The following RABGEF1 variants were observed in gnomAD, a reference collection of about 807,000 sequenced individuals.
RABGEF1 encodes RAB guanine nucleotide exchange factor 1, also known as rab5 GDP/GTP exchange factor.
RABGEF1 carries 26 observed loss-of-function variants against 57.3 expected under a neutral mutation model. The observed-to-expected ratio is 0.45, with a 90% CI of 0.33 to 0.63. The LOEUF is 0.63. Ranked by LOEUF, RABGEF1 falls within the 20% of genes least tolerant of loss-of-function variation. The probability of loss-of-function intolerance (pLI) is 0.02; values close to 1 mark genes in which losing one functional copy is unlikely to be tolerated. For synonymous variants in RABGEF1, 185 were observed against 210.7 expected, an observed-to-expected ratio of 0.88 and a Z score of 1.06; for missense variants, 464 against 607.6, an observed-to-expected ratio of 0.76 and a Z score of 2.48.
At chr7:66,688,085 CAAAAAAAAAAA>C (rs60925853) in intron 1 of RABGEF1, among the ~76,000 whole-genome samples, 1 of 109,168 alleles carries the variant, frequency 9.2e-6, no homozygotes, top group Non-Finnish European at 1.8e-5. Context: ...AACTCTGTGT[CAAAAAAAAAAA>C]AAAAAAAAAA....
chr7:66,691,449 A>G (rs901065571), intron 1 of RABGEF1, among the ~76,000 whole-genome samples: 5 of 152,226 alleles, frequency 3.3e-5, no homozygotes, highest in Non-Finnish European at 5.9e-5. Context: ...AACAAAATAT[A>G]TGTAGAATCA....
At chr7:66,668,533 A>G in the RABGEF1 span, among the ~76,000 whole-genome samples, 1 of 152,180 alleles carries the variant, frequency 6.6e-6, no homozygotes, top group Non-Finnish European at 1.5e-5. Context: ...CAGGTTGGAG[A>G]AGACCCTCTG....
At chr7:66,674,069 T>A in the RABGEF1 span, among the ~76,000 whole-genome samples, 1 of 152,222 alleles carries the variant, frequency 6.6e-6, no homozygotes, top group South Asian at 2.1e-4. Context: ...AGAACTCTTC[T>A]GCATTGCTGT....
chr7:66,667,880 C>G, the RABGEF1 span, among the ~76,000 whole-genome samples: 1 of 152,182 alleles, frequency 6.6e-6, no homozygotes, highest in South Asian at 2.1e-4. Flanking sequence ...TCACTGCAAC[C>G]TCTACCTCCC....
At chr7:66,782,033 C>T (rs1272150124) in intron 3 of RABGEF1, among the ~76,000 whole-genome samples, 1 of 152,148 alleles carries the variant, frequency 6.6e-6, no homozygotes, top group African/African-American at 2.4e-5. Flanking sequence ...ACCTGAATGC[C>T]ATCAGAGTAT....
intron 3 of RABGEF1, among the ~76,000 whole-genome samples, chr7:66,776,141 C>T (rs1028998311): frequency 5.9e-5 from 9 of 152,060 alleles, no homozygotes; most frequent in Non-Finnish European, 2.9e-5. Context: ...GCAGTCAAAG[C>T]GAAATAATGA....
intron 2 of RABGEF1, among the ~76,000 whole-genome samples, chr7:66,731,314 G>A (rs1281640081): frequency 2.0e-5 from 3 of 152,154 alleles, no homozygotes; most frequent in Admixed American, 6.5e-5. Flanking sequence ...CCAGAGAAGA[G>A]GAAGAAGGGG....
chr7:66,732,648 C>G (rs1489257162), intron 2 of RABGEF1, among the ~76,000 whole-genome samples: 1 of 152,162 alleles, frequency 6.6e-6, no homozygotes, highest in Non-Finnish European at 1.5e-5. Flanking sequence ...CAGTTCCACT[C>G]CATCATGAAA....
intron 4 of RABGEF1, among the ~76,000 whole-genome samples, chr7:66,792,377 A>C (rs1166541544): frequency 6.6e-6 from 1 of 152,226 alleles, no homozygotes; most frequent in Non-Finnish European, 1.5e-5. Context: ...TACTGGCCAA[A>C]GACACGAGTC....
At chr7:66,736,275 TACTG>T (rs1797932890), upstream of RABGEF1, among the ~76,000 whole-genome samples, 1 of 152,034 alleles carries the variant, frequency 6.6e-6, no homozygotes, top group African/African-American at 2.4e-5. Context: ...CAGCAGAAAA[TACTG>T]AGAGAGGAGA....
intron 1 of RABGEF1, among the ~76,000 whole-genome samples, chr7:66,683,227 C>T (rs1463575748): frequency 6.6e-6 from 1 of 152,174 alleles, no homozygotes; most frequent in African/African-American, 2.4e-5. Flanking sequence ...ATCCTCCCGC[C>T]TCGGCCTCCC....
At chr7:66,727,056 CTG>C (rs1192461552) in intron 2 of RABGEF1, among the ~76,000 whole-genome samples, 10 of 152,128 alleles carry the variant, frequency 6.6e-5, no homozygotes, top group African/African-American at 2.4e-4. Flanking sequence ...TTGCACAACT[CTG>C]TGAATATACT....
the RABGEF1 span, among the ~76,000 whole-genome samples, chr7:66,661,008 T>C: frequency 2.0e-5 from 3 of 151,896 alleles, no homozygotes; most frequent in Admixed American, 2.0e-4. Flanking sequence ...GGTGGATCAC[T>C]TGAGCTCAAG....
At chr7:66,767,904 T>A (rs1806146593) in intron 1 of RABGEF1, among the ~76,000 whole-genome samples, 1 of 152,236 alleles carries the variant, frequency 6.6e-6, no homozygotes. Context: ...TCTATCAGCA[T>A]AAAGCCTTTG....
At chr7:66,779,357 A>G (rs1378008207) in intron 3 of RABGEF1, among the ~76,000 whole-genome samples, 1 of 152,038 alleles carries the variant, frequency 6.6e-6, no homozygotes, top group African/African-American at 2.4e-5. Context: ...TACAAAAATT[A>G]GCTGGGGGTG....
intron 8 of RABGEF1, 64 bp downstream of exon 8, chr7:66,805,460 A>G: frequency 8.1e-6 from 13 of 1,595,200 alleles, no homozygotes; most frequent in Non-Finnish European, 1.0e-5. Context: ...TGGGGATGTG[A>G]CAGGTCACTT....
At chr7:66,804,738 GA>G (rs35870963) in intron 7 of RABGEF1, among the ~76,000 whole-genome samples, 19,569 of 105,472 alleles carry the variant, frequency 0.19, 1,315 homozygotes, top group East Asian at 0.23. Flanking sequence ...AACTCAGTCT[GA>G]AAAAAAAAAA....
chr7:66,752,363 C>T (rs1480930110), intron 1 of RABGEF1, among the ~76,000 whole-genome samples: 1 of 151,828 alleles, frequency 6.6e-6, no homozygotes, highest in African/African-American at 2.4e-5. Flanking sequence ...GGTATGGTGG[C>T]GGGCACCTGT....
intron 1 of RABGEF1, among the ~76,000 whole-genome samples, chr7:66,771,003 TG>T (rs1806972473): frequency 6.6e-6 from 1 of 152,178 alleles, no homozygotes; most frequent in Admixed American, 6.6e-5. Flanking sequence ...GTTATTGAGT[TG>T]TAGGAGTTCC....
Sources: allele counts gnomAD v4.1 joint callset (sites outside exome capture counted in the v4.1 genomes callset), GRCh38; gene constraint gnomAD v4.1.1; transcripts MANE v1.5; gene names NCBI Gene and HGNC (gene_info 2026-07-23, HGNC 2026-07-21).